Variants in NTM observed in about 807,000 individuals in gnomAD.
NTM encodes the protein neurotrimin.
In NTM, 13 loss-of-function variants were observed where a neutral mutation model predicts 42.1. The ratio of observed to expected loss-of-function variants is 0.31; its 90% CI spans 0.20 to 0.49. NTM has a LOEUF of 0.49. NTM is among the 20% of genes least tolerant of loss of function. The pLI, the probability that NTM is intolerant of heterozygous loss-of-function variation, is 0.99. For missense variants in NTM, 373 were observed against 452.8 expected, an observed-to-expected ratio of 0.82 and a Z score of 1.60; for synonymous variants, 187 against 179.2, an observed-to-expected ratio of 1.04 and a Z score of -0.35.
intron 2 of NTM, among the ~76,000 whole-genome samples, chr11:131,945,141 G>A (rs1237505491): frequency 6.6e-6 from 1 of 152,080 alleles, no homozygotes; most frequent in African/African-American, 2.4e-5. Context: ...TTCCTTATAG[G>A]GCGATTCACA....
chr11:131,832,146 A>G (rs1316590216), intron 1 of NTM, among the ~76,000 whole-genome samples: 1 of 151,054 alleles, frequency 6.6e-6, no homozygotes, highest in East Asian at 1.9e-4. Flanking sequence ...ACACACACAA[A>G]AGCAAGCATA....
Position 132,228,747 on chromosome 11 carries a change from C to T in NTM, c.526+16600C>T, listed in dbSNP as rs1185232109. On this transcript the variant is annotated intron_variant, in intron 4 of 8. Coordinates refer to ENST00000683400, the MANE Select transcript of NTM (RefSeq NM_001352005.2). ...CCCCTGTGCTGCTTCTGAGCGGTCA[C>T]GTTCCTCCGTGTGCTGACATGTCTT... is the stretch of plus-strand genomic sequence containing the variant. 2.6e-5 allele frequency among the ~76,000 whole-genome samples: 4 copies of T among 152,222 alleles called. No homozygotes were observed. The South Asian group carries it at 6.2e-4, about 24-fold the overall frequency.
intron 2 of NTM, among the ~76,000 whole-genome samples, chr11:131,954,657 G>T (rs2061377517): frequency 6.6e-6 from 1 of 152,028 alleles, no homozygotes. Flanking sequence ...CATTATGTTT[G>T]TTGTGCAAAG....
chr11:131,385,450 A>G (rs1408849049), intron 1 of NTM: 1 of 152,216 alleles, frequency 6.6e-6, no homozygotes, highest in Non-Finnish European at 1.5e-5. Flanking sequence ...ATGAAATAAA[A>G]AAGGAAAATA....
intron 4 of NTM, among the ~76,000 whole-genome samples, chr11:132,281,849 A>G (rs1348834154): frequency 6.6e-6 from 1 of 152,218 alleles, no homozygotes; most frequent in Non-Finnish European, 1.5e-5. Flanking sequence ...GATAAAAAGA[A>G]CAAGAAATCT....
chr11:131,881,904 G>C (rs79625256), intron 1 of NTM, among the ~76,000 whole-genome samples: 1 of 152,140 alleles, frequency 6.6e-6, no homozygotes, highest in Non-Finnish European at 1.5e-5. Flanking sequence ...AGAAGGTTGC[G>C]GGGCTGACCA....
intron 4 of NTM, among the ~76,000 whole-genome samples, chr11:132,288,182 G>A (rs571495360): frequency 2.0e-5 from 3 of 152,302 alleles, no homozygotes; most frequent in South Asian, 2.1e-4. Context: ...AAGCCACATC[G>A]TGCAGAATAT....
At chr11:132,025,817 A>C (rs1438219106) in intron 2 of NTM, among the ~76,000 whole-genome samples, 1 of 152,210 alleles carries the variant, frequency 6.6e-6, no homozygotes, top group Non-Finnish European at 1.5e-5. Flanking sequence ...CTCCATTGGC[A>C]CTTACTAATC....
intron 3 of NTM, among the ~76,000 whole-genome samples, chr11:132,183,648 G>T (rs1251252377): frequency 6.6e-6 from 1 of 151,990 alleles, no homozygotes; most frequent in African/African-American, 2.4e-5. Flanking sequence ...TTCTTTGAAA[G>T]CACCAGACAA....
intron 1 of NTM, among the ~76,000 whole-genome samples, chr11:131,462,265 G>T (rs912505333): frequency 3.9e-5 from 6 of 152,144 alleles, no homozygotes; most frequent in African/African-American, 1.4e-4. Context: ...GACTATAAAT[G>T]GGCACAAGAG....
At chr11:132,023,509 G>T (rs911959868) in intron 2 of NTM, among the ~76,000 whole-genome samples, 1 of 152,132 alleles carries the variant, frequency 6.6e-6, no homozygotes, top group African/African-American at 2.4e-5. Flanking sequence ...GCTAGGGTGG[G>T]CAGCCAGAGT....
intron 1 of NTM, among the ~76,000 whole-genome samples, chr11:131,838,698 T>C (rs1438502440): frequency 7.3e-6 from 1 of 136,566 alleles, no homozygotes; most frequent in African/African-American, 2.9e-5. Flanking sequence ...TGATAGAAGA[T>C]ATTGGAACTG....
intron 1 of NTM, among the ~76,000 whole-genome samples, chr11:131,719,580 T>G (rs2078101306): frequency 6.6e-6 from 1 of 152,196 alleles, no homozygotes; most frequent in South Asian, 2.1e-4. Flanking sequence ...AGAGAAATAT[T>G]GACTTTCTGG....
At chr11:132,174,028 G>A (rs2076454015) in intron 3 of NTM, among the ~76,000 whole-genome samples, 1 of 152,180 alleles carries the variant, frequency 6.6e-6, no homozygotes. Flanking sequence ...TTATACACCT[G>A]TTTGGTCCTA....
At chr11:131,684,175 G>A (rs2073462307) in intron 1 of NTM, among the ~76,000 whole-genome samples, 1 of 152,114 alleles carries the variant, frequency 6.6e-6, no homozygotes, top group African/African-American at 2.4e-5. Flanking sequence ...TGTGTGTGGG[G>A]CTCTGAGGCA....
At chr11:131,641,038 C>T (rs986302754) in intron 1 of NTM, among the ~76,000 whole-genome samples, 2 of 152,156 alleles carry the variant, frequency 1.3e-5, no homozygotes, top group Non-Finnish European at 2.9e-5. Flanking sequence ...CACAAGCAAC[C>T]GCATATTCTT....
chr11:131,705,743 A>G (rs1191235624), intron 1 of NTM, among the ~76,000 whole-genome samples: 2 of 152,084 alleles, frequency 1.3e-5, no homozygotes, highest in Non-Finnish European at 2.9e-5. Context: ...GAATTTATGT[A>G]TGCAGTTTAA....
At chr11:132,009,939 C>T (rs749995746) in intron 2 of NTM, among the ~76,000 whole-genome samples, 1 of 152,138 alleles carries the variant, frequency 6.6e-6, no homozygotes, top group Non-Finnish European at 1.5e-5. Flanking sequence ...TCTGAGTTCA[C>T]TGCTGAATGT....
At chr11:132,109,172 C>T (rs888188652) in intron 2 of NTM, among the ~76,000 whole-genome samples, 10 of 140,286 alleles carry the variant, frequency 7.1e-5, no homozygotes, top group Admixed American at 2.9e-4. Flanking sequence ...CATACGTGTG[C>T]ATGTGTCTTT....
Sources: allele counts gnomAD v4.1 joint callset (sites outside exome capture counted in the v4.1 genomes callset), GRCh38; gene constraint gnomAD v4.1.1; transcripts MANE v1.5; gene names NCBI Gene and HGNC (gene_info 2026-07-23, HGNC 2026-07-21).